Variants in BTBD9 observed in about 807,000 individuals in gnomAD.
BTBD9 encodes the protein BTB domain containing 9.
BTBD9 carries 49 observed loss-of-function variants against 64.3 expected under a neutral mutation model. The observed-to-expected ratio is 0.76, with a 90% CI of 0.61 to 0.97. The LOEUF is 0.97. Ranked by LOEUF, BTBD9 falls within the 50% of genes least tolerant of loss-of-function variation. The pLI is 0.00. For missense variants in BTBD9, 598 were observed against 762.1 expected, an observed-to-expected ratio of 0.78 and a Z score of 2.53; for synonymous variants, 260 against 274.7, an observed-to-expected ratio of 0.95 and a Z score of 0.53.
chr6:38,386,097 A>G lies in BTBD9; in HGVS notation c.1155-41004T>C, dbSNP rs576947037. On this transcript the variant is annotated intron_variant, in intron 6 of 10. Transcript: ENST00000481247. The stretch of plus-strand genomic sequence containing the variant: ...GCGTGAGCCACCACGCCCAACAATA[A>G]TATCCTACTTCTAATCTTTATAATA... Among the ~76,000 whole-genome samples the G allele has an allele frequency of 2.3e-3, 347 of 152,282 alleles. 3 individuals carry two copies. Among genetic ancestry groups the G allele is most frequent in the Non-Finnish European group, 4.3e-4 (29 of 68,026 alleles).
intron 3 of BTBD9, among the ~76,000 whole-genome samples, chr6:38,593,418 T>C (rs1451197602): frequency 6.6e-6 from 1 of 152,196 alleles, no homozygotes; most frequent in Non-Finnish European, 1.5e-5. Context: ...ATTAGAAATA[T>C]CCAGGTTCTA....
chr6:38,342,535 CA>C (rs762825969), intron 7 of BTBD9, among the ~76,000 whole-genome samples: 2,368 of 54,870 alleles, frequency 0.043, 17 homozygotes, highest in South Asian at 0.083. Flanking sequence ...GACTCTGTCT[CA>C]AAAAAAAAAA....
In BTBD9 at chr6:38,174,669, C is replaced by A; in HGVS notation, c.*316G>T. 1 of 339,926 alleles carries A rather than the reference C, an allele frequency of 2.9e-6. No individual in the cohort carries two copies. The highest frequency in any genetic ancestry group is 5.3e-6 in the Non-Finnish European group (1 of 187,366). The allele number at this position is 339,926 out of a possible 1,614,324, so 21.1% of individuals were successfully genotyped here. A position where few individuals can be genotyped will look rare whatever the true frequency, so the allele number is the denominator to read the frequency against. On this transcript the variant is annotated 3_prime_UTR_variant, in exon 11 of 11. Transcript: ENST00000481247. ...GCCATTTTTGTATTCCAACACAGGCCTGTCTATGACTTCCTCCTGTTCCCT... is the reference window on the plus strand; with the variant it reads ...GCCATTTTTGTATTCCAACACAGGCATGTCTATGACTTCCTCCTGTTCCCT...
intron 6 of BTBD9, among the ~76,000 whole-genome samples, chr6:38,402,278 C>T (rs1399701573): frequency 6.6e-6 from 1 of 151,782 alleles, no homozygotes; most frequent in African/African-American, 2.4e-5. Flanking sequence ...CAAAGCGATC[C>T]ATAGATTCAA....
At chr6:38,328,494 C>T (rs1045751922) in intron 7 of BTBD9, among the ~76,000 whole-genome samples, 1 of 151,016 alleles carries the variant, frequency 6.6e-6, no homozygotes, top group African/African-American at 2.4e-5. Flanking sequence ...CCTGGCAATA[C>T]CTTGATCTTG....
chr6:38,331,450 C>G (rs923500862), intron 7 of BTBD9, among the ~76,000 whole-genome samples: 1 of 152,076 alleles, frequency 6.6e-6, no homozygotes, highest in Non-Finnish European at 1.5e-5. Context: ...TGCACTCCAG[C>G]CTGGGCAACA....
chr6:38,335,300 C>T (rs1354980769), intron 7 of BTBD9, among the ~76,000 whole-genome samples: 3 of 150,298 alleles, frequency 2.0e-5, no homozygotes, highest in African/African-American at 4.9e-5. Flanking sequence ...TTGGCCAGAC[C>T]GGAGTGCAGC....
chr6:38,182,827 A>C (rs1331919320), intron 10 of BTBD9, among the ~76,000 whole-genome samples: 2 of 152,188 alleles, frequency 1.3e-5, no homozygotes, highest in Non-Finnish European at 1.5e-5. Context: ...TTGAGGATGG[A>C]GAATTATTGT....
intron 6 of BTBD9, chr6:38,565,891 G>A (rs1311313178): frequency 6.6e-6 from 1 of 152,164 alleles, no homozygotes; most frequent in Non-Finnish European, 1.5e-5. Context: ...GACTGGTCAG[G>A]TAAGCAACAA....
chr6:38,443,049 TA>T (rs1769112954), intron 6 of BTBD9, among the ~76,000 whole-genome samples: 1 of 152,230 alleles, frequency 6.6e-6, no homozygotes, highest in Non-Finnish European at 1.5e-5. Context: ...AGAATCATCT[TA>T]ATTTCTGCTA....
At chr6:38,288,249 T>C (rs1395096156) in intron 8 of BTBD9, 23 bp downstream of exon 8, 3 of 1,599,668 alleles carry the variant, frequency 1.9e-6, no homozygotes, top group South Asian at 2.2e-5. Flanking sequence ...TTAAAACTTA[T>C]GAATGAGGAG....
intron 6 of BTBD9, among the ~76,000 whole-genome samples, chr6:38,492,370 C>G (rs537248934): frequency 6.6e-6 from 1 of 152,280 alleles, no homozygotes; most frequent in Admixed American, 6.5e-5. Context: ...TTCCTATGGC[C>G]CCATTTCCTT....
chr6:38,428,303 GGT>G (rs1300385253), intron 6 of BTBD9, among the ~76,000 whole-genome samples: 1 of 151,834 alleles, frequency 6.6e-6, no homozygotes, highest in Non-Finnish European at 1.5e-5. Flanking sequence ...ATAGCACCCT[GGT>G]TGAATTGACC....
chr6:38,248,788 CA>C (rs1764293703), intron 9 of BTBD9, among the ~76,000 whole-genome samples: 1 of 152,170 alleles, frequency 6.6e-6, no homozygotes, highest in Non-Finnish European at 1.5e-5. Context: ...AGAATACATT[CA>C]AAAAGGTTGC....
At chr6:38,175,254 A>G in intron 10 of BTBD9, 72 bp from the exon 11 acceptor site, 1 of 1,516,660 alleles carries the variant, frequency 6.6e-7, no homozygotes, top group South Asian at 1.1e-5. Context: ...GCAAGTTGGG[A>G]TACTGCCCTG....
chr6:38,580,626 T>TG (rs1240019329), intron 4 of BTBD9, among the ~76,000 whole-genome samples, 189 bp from the exon 5 acceptor site: 1 of 152,210 alleles, frequency 6.6e-6, no homozygotes, highest in Non-Finnish European at 1.5e-5. Flanking sequence ...CCGGGTGCAG[T>TG]GGCTCATGCC....
chr6:38,297,307 A>G (rs1762192855), intron 7 of BTBD9, among the ~76,000 whole-genome samples: 1 of 152,158 alleles, frequency 6.6e-6, no homozygotes, highest in African/African-American at 2.4e-5. Flanking sequence ...TGGAGGTTGC[A>G]ATGAGCTGAG....
At chr6:38,212,769 A>G (rs755204042) in intron 9 of BTBD9, among the ~76,000 whole-genome samples, 6 of 151,886 alleles carry the variant, frequency 4.0e-5, no homozygotes, top group Non-Finnish European at 7.4e-5. Flanking sequence ...TGAGGAGGGC[A>G]GGTGAGCTCT....
chr6:38,373,059 C>CCAG (rs1554143389), intron 6 of BTBD9, among the ~76,000 whole-genome samples: 1 of 151,964 alleles, frequency 6.6e-6, no homozygotes, highest in African/African-American at 2.4e-5. Context: ...TGTGTGGTGA[C>CCAG]CAGCAGCAAG....
Sources: allele counts gnomAD v4.1 joint callset (sites outside exome capture counted in the v4.1 genomes callset), GRCh38; gene constraint gnomAD v4.1.1; transcripts MANE v1.5; gene names NCBI Gene and HGNC (gene_info 2026-07-23, HGNC 2026-07-21).